The following ADA2 variants were observed in gnomAD, a reference collection of about 807,000 sequenced individuals.
The protein encoded by ADA2 is adenosine deaminase CECR1.
Under a neutral mutation model 44.2 loss-of-function variants are expected in ADA2, and 29 were observed. The ratio of observed to expected loss-of-function variants is 0.66; its 90% CI spans 0.49 to 0.89. ADA2 has a LOEUF of 0.89. Ranked by LOEUF, ADA2 falls within the 40% of genes least tolerant of loss-of-function variation. The probability of loss-of-function intolerance (pLI) is 0.00; values close to 1 mark genes in which losing one functional copy is unlikely to be tolerated. For missense variants in ADA2, 637 were observed against 644.8 expected (o/e 0.99, Z 0.13); for synonymous variants, 215 against 234.9 (o/e 0.92, Z 0.77).
rs560255803 is a variant in ADA2 at position 17,205,539 on chromosome 22, A to G, written c.542+1532T>C. On this transcript the variant is annotated intron_variant, in intron 3 of 9. Coordinates refer to ENST00000399837, the MANE Select transcript of ADA2 (RefSeq NM_001282225.2). ...ATCAGCACCCAGGTTTGTATCCCCAACTGGCCATTTACCAGCTGTGTGTCC... is the reference window on the plus strand; with the variant it reads ...ATCAGCACCCAGGTTTGTATCCCCAGCTGGCCATTTACCAGCTGTGTGTCC... Among the ~76,000 whole-genome samples, 9 of 152,264 alleles carry G rather than the reference A, an allele frequency of 5.9e-5. No homozygotes were observed. The South Asian group carries it at 8.3e-4, about 14-fold the overall frequency.
chr22:17,191,849 G>C, intron 4 of ADA2, 39 bp from the exon 5 acceptor site: 1 of 1,586,286 alleles, frequency 6.3e-7, no homozygotes, highest in East Asian at 2.3e-5. Flanking sequence ...CAGGTGAGCA[G>C]TGAGAGACGC....
At chr22:17,199,744 A>G (rs2062250526) in intron 4 of ADA2, 12 of 1,477,836 alleles carry the variant, frequency 8.1e-6, no homozygotes, top group Admixed American at 2.4e-5. Flanking sequence ...TTTGACCTTC[A>G]TCAAGCTCTT....
Position 17,181,212 on chromosome 22 carries a change from C to G in ADA2, c.*271G>C. On this transcript the variant is annotated 3_prime_UTR_variant, in exon 10 of 10. Transcript: ENST00000399837. ...CCAGGACTGAGTCCTGAGGAAACAG[C>G]ACAGAGATCAGAGAGAGGAGAAGAC... The G allele has an allele frequency of 2.5e-6, 1 of 406,544 alleles. No individual in the cohort carries two copies. The highest frequency in any genetic ancestry group is 4.5e-6 in the Non-Finnish European group (1 of 220,696). 25.2% of individuals were successfully genotyped at this position (406,544 alleles called of 1,614,324 possible). A position where few individuals can be genotyped will look rare whatever the true frequency, so the allele number is the denominator to read the frequency against.
In ADA2 at chr22:17,207,108, G is replaced by C. The variant is rs775997344; in HGVS notation, c.505C>G (p.Arg169Gly). 6.2e-7 allele frequency: 1 copy of C among 1,614,174 alleles called. No individual in the cohort carries two copies. The highest frequency in any genetic ancestry group is 2.2e-5 in the East Asian group (1 of 44,892). The change falls in exon 3 of 10, where the codon CGG becomes GGG. Residue 169 changes from arginine (R) to glycine (G), a missense_variant. Transcript: ENST00000399837. ...CSKWILLEDY[R>G]KRVQNVTEFD... ...TCAGTGACGTTCTGCACCCGCTTCC[G>C]ATAATCCTCCAGCAGAATCCACTTG...
chr22:17,218,471 C>T (rs372398026), intron 1 of ADA2, among the ~76,000 whole-genome samples: 65 of 152,212 alleles, frequency 4.3e-4, no homozygotes, highest in East Asian at 2.3e-3. Flanking sequence ...CGGTGTTTGC[C>T]TGCTACTAAA....
At chr22:17,201,196 T>C (rs1195012087) in intron 4 of ADA2, among the ~76,000 whole-genome samples, 2 of 149,192 alleles carry the variant, frequency 1.3e-5, no homozygotes, top group Non-Finnish European at 3.0e-5. Context: ...GCGACAGAAA[T>C]TCTGTCAAAA....
chr22:17,215,752 C>G, intron 1 of ADA2, among the ~76,000 whole-genome samples: 1 of 152,106 alleles, frequency 6.6e-6, no homozygotes, highest in East Asian at 1.9e-4. Flanking sequence ...AAGTTGATCT[C>G]ATAGATATAG....
At chr22:17,212,054 C>T (rs1329748810) in intron 1 of ADA2, among the ~76,000 whole-genome samples, 1 of 151,778 alleles carries the variant, frequency 6.6e-6, no homozygotes, top group African/African-American at 2.4e-5. Context: ...GACGGAGTTT[C>T]GCTCTTGTCA....
chr22:17,193,582 C>T (rs1424632051), intron 4 of ADA2, among the ~76,000 whole-genome samples: 6 of 150,632 alleles, frequency 4.0e-5, no homozygotes, highest in East Asian at 2.0e-4. Context: ...GCAGGATAAT[C>T]GCTTGAACCC....
intron 4 of ADA2, chr22:17,198,470 A>C (rs989383985): frequency 2.6e-5 from 4 of 152,226 alleles, no homozygotes; most frequent in African/African-American, 9.7e-5. Context: ...CGACACCAGC[A>C]ACATGACACA....
chr22:17,187,441 A>G (rs1601428779), intron 7 of ADA2, among the ~76,000 whole-genome samples: 1 of 151,926 alleles, frequency 6.6e-6, no homozygotes, highest in Non-Finnish European at 1.5e-5. Flanking sequence ...GGTGTGTACC[A>G]TCATGCCTGG....
intron 7 of ADA2, among the ~76,000 whole-genome samples, chr22:17,183,899 T>G (rs2062003676): frequency 6.6e-6 from 1 of 151,162 alleles, no homozygotes; most frequent in African/African-American, 2.4e-5. Flanking sequence ...ACTCGCTAGA[T>G]GACCGCAGAC....
At chr22:17,192,525 G>A (rs554481017) in intron 4 of ADA2, among the ~76,000 whole-genome samples, 108 of 152,116 alleles carry the variant, frequency 7.1e-4, no homozygotes, top group Non-Finnish European at 1.1e-3. Context: ...TGACAAGGAA[G>A]CTAAGGGAAG....
chr22:17,190,064 T>C (rs780677271), intron 5 of ADA2, 32 bp from the exon 6 acceptor site: 1 of 1,519,900 alleles, frequency 6.6e-7, no homozygotes, highest in Non-Finnish European at 9.1e-7. Flanking sequence ...CAGGAGACAG[T>C]GCCCAGCACC....
chr22:17,213,350 A>C (rs1447471314), intron 1 of ADA2, among the ~76,000 whole-genome samples: 1 of 152,186 alleles, frequency 6.6e-6, no homozygotes, highest in Non-Finnish European at 1.5e-5. Context: ...ATCTATCCAA[A>C]GGGAAGGAAA....
intron 4 of ADA2, among the ~76,000 whole-genome samples, chr22:17,193,994 T>G (rs1601440132): frequency 7.4e-6 from 1 of 134,532 alleles, no homozygotes; most frequent in Admixed American, 7.9e-5. Flanking sequence ...GGGCAATGAG[T>G]GAGTTCCTGT....
intron 7 of ADA2, among the ~76,000 whole-genome samples, chr22:17,184,581 T>A (rs2123614548): frequency 6.6e-6 from 1 of 152,194 alleles, no homozygotes; most frequent in South Asian, 2.1e-4. Context: ...ATCGGTGGGA[T>A]GCATGTACTC....
intron 4 of ADA2, chr22:17,199,428 T>TCCTCTATCCTCTTCCCCTCCCTCCCCA: frequency 1.6e-4 from 136 of 866,902 alleles, no homozygotes; most frequent in Non-Finnish European, 1.9e-4. Context: ...CTCCCTCCCC[T>TCCTCTATCCTCTTCCCCTCCCTCCCCA]CCTCTATCCT....
chr22:17,218,482 A>G (rs1307339409), intron 1 of ADA2, among the ~76,000 whole-genome samples: 1 of 152,004 alleles, frequency 6.6e-6, no homozygotes, highest in Non-Finnish European at 1.5e-5. Flanking sequence ...TGCTACTAAA[A>G]TCTCTAGGGC....
Sources: allele counts gnomAD v4.1 joint callset (sites outside exome capture counted in the v4.1 genomes callset), GRCh38; gene constraint gnomAD v4.1.1; transcripts MANE v1.5; gene names NCBI Gene and HGNC (gene_info 2026-07-23, HGNC 2026-07-21).